Variants in CSNK1G1 observed in about 807,000 individuals in gnomAD.
CSNK1G1 encodes casein kinase 1 gamma 1, also known as casein kinase I isoform gamma-1.
A neutral mutation model predicts 59.6 loss-of-function variants in CSNK1G1; 22 were observed. That is an observed-to-expected ratio of 0.37 (90% confidence interval 0.26 to 0.53). The LOEUF (loss-of-function observed/expected upper bound fraction) is 0.53. Ranked by LOEUF, CSNK1G1 falls within the 20% of genes least tolerant of loss-of-function variation. The pLI is 0.89. For synonymous variants in CSNK1G1, 179 were observed against 177.1 expected (o/e 1.01, Z -0.08); for missense variants, 384 against 519.5 (o/e 0.74, Z 2.54).
chr15:64,186,146 G>A (rs546062634), intron 10 of CSNK1G1, among the ~76,000 whole-genome samples: 20 of 151,934 alleles, frequency 1.3e-4, no homozygotes, highest in Middle Eastern at 3.4e-3. Flanking sequence ...TTGTTGTGTC[G>A]CCCAGGCTGG....
chr15:64,217,938 G>A (rs2082333573), intron 4 of CSNK1G1, among the ~76,000 whole-genome samples: 1 of 151,652 alleles, frequency 6.6e-6, no homozygotes. Context: ...GTAGATTATT[G>A]TTTGCTTCTG....
chr15:64,266,433 T>C (rs987698088), intron 2 of CSNK1G1, among the ~76,000 whole-genome samples: 1 of 152,024 alleles, frequency 6.6e-6, no homozygotes, highest in Non-Finnish European at 1.5e-5. Context: ...ATTGTTACAA[T>C]GTCCATTCCA....
chr15:64,237,189 G>C (rs2082627609), intron 4 of CSNK1G1, among the ~76,000 whole-genome samples: 1 of 151,992 alleles, frequency 6.6e-6, no homozygotes, highest in South Asian at 2.1e-4. Flanking sequence ...ATGTTATTTG[G>C]GTGATGAATA....
intron 1 of CSNK1G1, among the ~76,000 whole-genome samples, chr15:64,352,961 C>T (rs1407184124): frequency 1.3e-5 from 2 of 151,958 alleles, no homozygotes; most frequent in Admixed American, 1.3e-4. Flanking sequence ...TGGTGGCACA[C>T]GCCTGTAGTT....
At position 64,188,238 on chromosome 15, in the gene CSNK1G1, A is replaced by G. The variant is rs2081923874; in HGVS notation, c.1108-7784T>C. 1 of 608,888 alleles carries G rather than the reference A, an allele frequency of 1.6e-6. No individual in the cohort carries two copies. Among genetic ancestry groups the G allele is most frequent in the Non-Finnish European group, 2.8e-6 (1 of 355,028 alleles). 37.7% of individuals were successfully genotyped at this position (608,888 alleles called of 1,614,324 possible). A position where few individuals can be genotyped will look rare whatever the true frequency, so the allele number is the denominator to read the frequency against. On this transcript the variant is annotated intron_variant, in intron 10 of 11. Coordinates refer to ENST00000303052, the MANE Select transcript of CSNK1G1 (RefSeq NM_022048.5). This position sits in a 1 kb window ranked among gnomAD's most constrained non-coding sequence, Gnocchi z 4.2. ...GCGACTCTTACCCAAGTCCACCTAG[A>G]CAGAAAATCTACAGAGATATTCAAT...
Position 64,180,398 on chromosome 15 carries a change from G to C in CSNK1G1, c.1164C>G (p.Ser388=). ...LNVDDPTGAH[S]NAPITAHAEV... is the part of the protein sequence containing the mutation. ...CGGCATGAGCTGTGATTGGTGCATT[G>C]GAGTGGGCTCCCGTGGGATCATCAA... Residue 388 remains serine (S), a synonymous_variant, in exon 11 of 12, where the codon TCC becomes TCG. Coordinates refer to ENST00000303052, the MANE Select transcript of CSNK1G1 (RefSeq NM_022048.5). The C allele has an allele frequency of 6.2e-7, 1 of 1,614,192 alleles. No individual in the cohort carries two copies. Among genetic ancestry groups the C allele is most frequent in the South Asian group, 1.1e-5 (1 of 91,082 alleles).
intron 1 of CSNK1G1, among the ~76,000 whole-genome samples, chr15:64,324,487 ATC>A (rs1428593042): frequency 9.8e-5 from 15 of 152,332 alleles, no homozygotes; most frequent in African/African-American, 3.6e-4. Context: ...CTCGAAGAAC[ATC>A]TGACTTCAAG....
At chr15:64,275,037 C>G (rs1238609712) in intron 2 of CSNK1G1, among the ~76,000 whole-genome samples, 1 of 152,156 alleles carries the variant, frequency 6.6e-6, no homozygotes, top group Non-Finnish European at 1.5e-5. Context: ...CACCTCCACC[C>G]AAAAAGCATC....
In CSNK1G1 at chr15:64,322,573, G is replaced by A. The variant is rs576911108; in HGVS notation, c.-224-21850C>T. 2.0e-5 allele frequency among the ~76,000 whole-genome samples: 3 copies of A among 152,132 alleles called. No homozygotes were observed. In the East Asian group the frequency reaches 6.0e-4, roughly 30 times the overall value. ...CTCATGCCTGTAATCCCAGCACTTT[G>A]GGAGGCCAAGATGGGTTGATCCCTT... On this transcript the variant is annotated intron_variant, in intron 1 of 11. Coordinates refer to ENST00000303052, the MANE Select transcript of CSNK1G1 (RefSeq NM_022048.5).
Position 64,214,189 on chromosome 15 carries a change from T to G in CSNK1G1, c.445-65A>C, listed in dbSNP as rs1273821032. Reference sequence around the variant, plus strand: ...ATATCAGGAAAATACATCAAAACAGTTTCTTTAGCCAGACCAAGGTTTTAA... The same window carrying G: ...ATATCAGGAAAATACATCAAAACAGGTTCTTTAGCCAGACCAAGGTTTTAA... On this transcript the variant is annotated intron_variant, in intron 5 of 11. Transcript: ENST00000303052. This position sits in a 1 kb window ranked among gnomAD's most constrained non-coding sequence, Gnocchi z 4.3. The G allele has an allele frequency of 8.4e-7, 1 of 1,191,616 alleles. No individual in the cohort carries two copies. The highest frequency in any genetic ancestry group is 1.2e-6 in the Non-Finnish European group (1 of 801,684). 73.8% of individuals were successfully genotyped at this position (1,191,616 alleles called of 1,614,324 possible).
intron 10 of CSNK1G1, chr15:64,181,579 T>C (rs2081814648): frequency 1.6e-5 from 13 of 790,132 alleles, no homozygotes; most frequent in Non-Finnish European, 2.5e-5. Flanking sequence ...GTATAATACC[T>C]AGCATAAATA....
chr15:64,180,979 T>C (rs570078265), intron 10 of CSNK1G1, among the ~76,000 whole-genome samples: 19 of 152,370 alleles, frequency 1.2e-4, no homozygotes, highest in South Asian at 1.0e-3. Flanking sequence ...TATAATGATA[T>C]AGACTTAGTG....
intron 10 of CSNK1G1, among the ~76,000 whole-genome samples, chr15:64,191,084 T>C (rs978499531): frequency 1.3e-5 from 2 of 152,146 alleles, no homozygotes; most frequent in Admixed American, 6.6e-5. Context: ...GTTTTTGAGA[T>C]GGAGTCTTGC....
At chr15:64,282,323 G>T (rs1248085020) in intron 2 of CSNK1G1, among the ~76,000 whole-genome samples, 1 of 152,018 alleles carries the variant, frequency 6.6e-6, no homozygotes, top group Non-Finnish European at 1.5e-5. Context: ...CTGGAGTACA[G>T]TGGTACGATC....
intron 10 of CSNK1G1, among the ~76,000 whole-genome samples, chr15:64,185,036 C>T (rs1178997371): frequency 1.3e-5 from 2 of 152,160 alleles, no homozygotes; most frequent in African/African-American, 4.8e-5. Context: ...TTAATTCAGA[C>T]AACTTTAGAG....
intron 4 of CSNK1G1, 59 bp downstream of exon 4, chr15:64,251,453 T>A (rs1220709979): frequency 7.8e-7 from 1 of 1,282,984 alleles, no homozygotes; most frequent in Non-Finnish European, 1.1e-6. Flanking sequence ...AATTTGTATA[T>A]TTTAGGGCTT....
Position 64,345,785 on chromosome 15 carries a change from A to G in CSNK1G1, c.-225+10203T>C, listed in dbSNP as rs182488337. On this transcript the variant is annotated intron_variant, in intron 1 of 11. Coordinates refer to ENST00000303052, the MANE Select transcript of CSNK1G1 (RefSeq NM_022048.5). ...GAACATCCTTATTAACGCTTGTAGA[A>G]TAGAAAAAAAAACTTATTTTTTTTT... 1.7e-3 allele frequency among the ~76,000 whole-genome samples: 258 copies of G among 152,216 alleles called. 1 individual carries two copies. The highest frequency in any genetic ancestry group is 6.0e-3 in the African/African-American group (250 of 41,544).
chr15:64,285,559 C>A (rs895723780), intron 2 of CSNK1G1, among the ~76,000 whole-genome samples: 13 of 152,114 alleles, frequency 8.5e-5, no homozygotes, highest in Admixed American at 8.5e-4. Context: ...CAAAAAGGAC[C>A]CTACTCTGCT....
intron 1 of CSNK1G1, among the ~76,000 whole-genome samples, chr15:64,315,984 C>T (rs1896241370): frequency 6.6e-6 from 1 of 152,078 alleles, no homozygotes; most frequent in Admixed American, 6.5e-5. Context: ...ACCTACTATA[C>T]AATTTATCTA....
Sources: gnomAD v4.1 joint callset for allele counts (sites outside exome capture counted in the v4.1 genomes callset) on GRCh38, gnomAD v4.1.1 for gene constraint, Gnocchi (gnomAD v3.1) non-coding constraint, MANE v1.5 for transcripts, NCBI Gene and HGNC (gene_info 2026-07-23, HGNC 2026-07-21) for gene names.